The following IKZF3 variants were observed in gnomAD, a reference collection of about 807,000 sequenced individuals.
IKZF3 encodes IKAROS family zinc finger 3.
Under a neutral mutation model 49.0 loss-of-function variants are expected in IKZF3, and 10 were observed. That is an observed-to-expected ratio of 0.20 (90% CI 0.13 to 0.35). The LOEUF (loss-of-function observed/expected upper bound fraction) is 0.35. Ranked by LOEUF, IKZF3 falls within the 10% of genes least tolerant of loss-of-function variation. The pLI, the probability that IKZF3 is intolerant of heterozygous loss-of-function variation, is 1.00. For missense variants in IKZF3, 498 were observed against 664.8 expected (o/e 0.75, Z 2.76); for synonymous variants, 209 against 228.2 (o/e 0.92, Z 0.76).
intron 3 of IKZF3, among the ~76,000 whole-genome samples, chr17:39,800,223 T>C (rs1486694614): frequency 6.6e-6 from 1 of 152,216 alleles, no homozygotes; most frequent in Non-Finnish European, 1.5e-5. Context: ...ATAATATATA[T>C]CAGGTTTCTT....
rs192256782 is a variant in IKZF3, at chr17:39,812,996, A to C, written c.163+16391T>G. The stretch of plus-strand genomic sequence containing the variant: ...GGGCGCCTGTAGTCCCAGCTACTTT[A>C]GAGGCTGAGGTGGAAGAATGGCGTG... On this transcript the variant is annotated intron_variant, in intron 3 of 7. Coordinates refer to ENST00000346872, the MANE Select transcript of IKZF3 (RefSeq NM_012481.5). Among the ~76,000 whole-genome samples the C allele has an allele frequency of 4.7e-3, 718 of 152,136 alleles. 25 individuals are homozygous for C. Among genetic ancestry groups the C allele is most frequent in the East Asian group, 4.4e-3 (23 of 5,170 alleles).
intron 3 of IKZF3, among the ~76,000 whole-genome samples, chr17:39,794,677 C>T (rs994585519): frequency 6.6e-6 from 1 of 152,146 alleles, no homozygotes; most frequent in African/African-American, 2.4e-5. Context: ...TCAAATTTGC[C>T]CACCCTATGG....
chr17:39,810,571 T>G (rs1022655364), intron 3 of IKZF3, among the ~76,000 whole-genome samples: 2 of 151,064 alleles, frequency 1.3e-5, no homozygotes, highest in Non-Finnish European at 2.9e-5. Context: ...AGTACTCTTG[T>G]ATGCTTGAGT....
chr17:39,771,608 G>A (rs913924440), intron 7 of IKZF3, among the ~76,000 whole-genome samples: 10 of 151,896 alleles, frequency 6.6e-5, no homozygotes, highest in African/African-American at 2.4e-4. Flanking sequence ...AATCAGAGGT[G>A]GTGGTAGTGA....
chr17:39,799,189 T>C (rs986100458), intron 3 of IKZF3, among the ~76,000 whole-genome samples: 1 of 152,102 alleles, frequency 6.6e-6, no homozygotes, highest in African/African-American at 2.4e-5. Flanking sequence ...TTATGCACAA[T>C]GGAGTTTGAG....
chr17:39,766,856 T>C (rs1208084780), intron 7 of IKZF3, among the ~76,000 whole-genome samples: 2 of 152,190 alleles, frequency 1.3e-5, no homozygotes, highest in Non-Finnish European at 2.9e-5. Flanking sequence ...CACAGGAGCC[T>C]GGGACTTCTG....
intron 1 of IKZF3, among the ~76,000 whole-genome samples, chr17:39,849,084 G>C (rs1015678657): frequency 6.6e-6 from 1 of 152,098 alleles, no homozygotes; most frequent in East Asian, 1.9e-4. Flanking sequence ...AATAGATTAA[G>C]AAAAATAAAC....
chr17:39,792,165 A>T (rs950984485), intron 4 of IKZF3, among the ~76,000 whole-genome samples: 2 of 152,192 alleles, frequency 1.3e-5, no homozygotes, highest in East Asian at 3.8e-4. Context: ...TAAAGTCTTC[A>T]TATGAGATAT....
chr17:39,761,472 C>T lies in IKZF3; in HGVS notation c.*4318G>A, dbSNP rs2060181838. On this transcript the variant is annotated 3_prime_UTR_variant, in exon 8 of 8. Coordinates refer to ENST00000346872, the MANE Select transcript of IKZF3 (RefSeq NM_012481.5). ...TTGTGCATGCCTGTAATCCCAGCTACTTGGGAGGCTGAGGCAGGATTGCTT... is the reference window on the plus strand; with the variant it reads ...TTGTGCATGCCTGTAATCCCAGCTATTTGGGAGGCTGAGGCAGGATTGCTT... The T allele has an allele frequency of 6.6e-6, 1 of 151,900 alleles. No homozygotes were observed. Among genetic ancestry groups the T allele is most frequent in the Non-Finnish European group, 1.5e-5 (1 of 68,004 alleles). 9.4% of individuals were successfully genotyped at this position (151,900 alleles called of 1,614,324 possible). A position where few individuals can be genotyped will look rare whatever the true frequency, so the allele number is the denominator to read the frequency against.
intron 1 of IKZF3, among the ~76,000 whole-genome samples, chr17:39,836,828 T>C (rs142705198): frequency 1.3e-5 from 2 of 152,364 alleles, no homozygotes; most frequent in Non-Finnish European, 2.9e-5. Context: ...CTTTAAACCT[T>C]ACCATACAAT....
intron 1 of IKZF3, among the ~76,000 whole-genome samples, chr17:39,853,016 C>T (rs936392817): frequency 6.6e-6 from 1 of 152,134 alleles, no homozygotes; most frequent in Non-Finnish European, 1.5e-5. Context: ...ACAGCCAAAG[C>T]CACATTCCTA....
chr17:39,823,142 TC>T (rs1465794616), intron 3 of IKZF3, among the ~76,000 whole-genome samples: 4 of 152,190 alleles, frequency 2.6e-5, no homozygotes, highest in Non-Finnish European at 5.9e-5. Flanking sequence ...TTGAATGGTT[TC>T]GACCAAAATG....
intron 3 of IKZF3, among the ~76,000 whole-genome samples, chr17:39,795,426 T>G (rs1188962985): frequency 2.0e-5 from 3 of 152,190 alleles, no homozygotes; most frequent in Admixed American, 6.5e-5. Context: ...TTTTATTTTT[T>G]GAGACATAGT....
chr17:39,774,791 C>T (rs139396822), intron 7 of IKZF3, among the ~76,000 whole-genome samples: 2 of 152,090 alleles, frequency 1.3e-5, no homozygotes, highest in Admixed American at 6.5e-5. Flanking sequence ...ACATGAATGT[C>T]GGGCTAATGC....
chr17:39,851,001 A>G (rs371340794), intron 1 of IKZF3, among the ~76,000 whole-genome samples: 188 of 144,050 alleles, frequency 1.3e-3, no homozygotes, highest in East Asian at 2.8e-3. Flanking sequence ...TATTATATAC[A>G]TGTATATATT....
At chr17:39,792,552 T>C (rs567714853) in intron 4 of IKZF3, 121 bp downstream of exon 4, 4 of 977,460 alleles carry the variant, frequency 4.1e-6, no homozygotes, top group East Asian at 2.5e-5. Flanking sequence ...GAGAGAGAGA[T>C]ACATCAGCAT....
rs2060186097 is a variant in IKZF3 at position 39,761,600 on chromosome 17, A to T, written c.*4190T>A. 6.6e-6 allele frequency: 1 copy of T among 152,138 alleles called. No individual in the cohort carries two copies. Among genetic ancestry groups the T allele is most frequent in the South Asian group, 2.1e-4 (1 of 4,828 alleles). 9.4% of individuals were successfully genotyped at this position (152,138 alleles called of 1,614,324 possible). A position where few individuals can be genotyped will look rare whatever the true frequency, so the allele number is the denominator to read the frequency against. On this transcript the variant is annotated 3_prime_UTR_variant, in exon 8 of 8. Coordinates refer to ENST00000346872, the MANE Select transcript of IKZF3 (RefSeq NM_012481.5). Reference sequence around the variant, plus strand: ...TATACAAAAAAAATAAAAATAAATTAAAAAATTAAAAAACACCTGGAGCAC... The same window carrying T: ...TATACAAAAAAAATAAAAATAAATTTAAAAATTAAAAAACACCTGGAGCAC...
chr17:39,837,885 G>T (rs1181340882), intron 1 of IKZF3, among the ~76,000 whole-genome samples: 2 of 150,702 alleles, frequency 1.3e-5, no homozygotes, highest in East Asian at 2.0e-4. Context: ...CTCATAAACT[G>T]CCTGCCTCAG....
At chr17:39,774,063 T>C (rs2060512902) in intron 7 of IKZF3, among the ~76,000 whole-genome samples, 1 of 152,152 alleles carries the variant, frequency 6.6e-6, no homozygotes, top group Non-Finnish European at 1.5e-5. Context: ...TTAGACTTGA[T>C]CCAATCTGTC....
Sources: allele counts gnomAD v4.1 joint callset (sites outside exome capture counted in the v4.1 genomes callset), GRCh38; gene constraint gnomAD v4.1.1; transcripts MANE v1.5; gene names NCBI Gene and HGNC (gene_info 2026-07-23, HGNC 2026-07-21).